The following DHRSX variants were observed in gnomAD, a reference collection of about 807,000 sequenced individuals.
The protein encoded by DHRSX is polyprenol dehydrogenase.
In DHRSX, 31 loss-of-function variants were observed where a neutral mutation model predicts 34.0. The ratio of observed to expected loss-of-function variants is 0.91; its 90% CI spans 0.69 to 1.23. The LOEUF (loss-of-function observed/expected upper bound fraction) is 1.23, where lower values mean the gene tolerates loss of function less well. DHRSX is among the 50% of genes most tolerant of loss of function. DHRSX has a pLI of 0.00. For synonymous variants in DHRSX, 201 were observed against 183.8 expected (o/e 1.09, Z -0.76); for missense variants, 414 against 428.1 (o/e 0.97, Z 0.29).
rs765110913 is a variant in DHRSX at position 2,267,610 on chromosome X, T to A, written c.389-663A>T. 2.7e-5 allele frequency among the ~76,000 whole-genome samples: 4 copies of A among 145,822 alleles called. No individual in the cohort carries two copies. In the South Asian group the frequency reaches 6.6e-4, roughly 24 times the overall value. ...TAACACAGCAACACACACAAGAGAG[T>A]GAGAATCATCCAAGTCACCAAACAG... On this transcript the variant is annotated intron_variant, in intron 4 of 6. Coordinates refer to ENST00000334651, the MANE Select transcript of DHRSX (RefSeq NM_145177.3).
intron 3 of DHRSX, among the ~76,000 whole-genome samples, chrX:2,386,381 G>T (rs1374439902): frequency 6.6e-6 from 1 of 151,914 alleles, no homozygotes; most frequent in Non-Finnish European, 1.5e-5. Context: ...ACCACACCCA[G>T]CTAATTTTTG....
intron 3 of DHRSX, among the ~76,000 whole-genome samples, chrX:2,343,852 G>C (rs1298196413): frequency 1.3e-5 from 2 of 152,192 alleles, no homozygotes; most frequent in African/African-American, 4.8e-5. Flanking sequence ...AAGTGTATTA[G>C]TATGTATAGG....
intron 6 of DHRSX, among the ~76,000 whole-genome samples, chrX:2,224,764 A>G (rs2015601913): frequency 6.6e-6 from 1 of 152,066 alleles, no homozygotes; most frequent in Non-Finnish European, 1.5e-5. Flanking sequence ...TTGCACATGC[A>G]TACTCACACT....
Position 2,375,624 on chromosome X carries a change from T to C in DHRSX, c.286+33121A>G, listed in dbSNP as rs1317663967. On this transcript the variant is annotated intron_variant, in intron 3 of 6. Transcript: ENST00000334651. ...ATGGTTGGTTGGTTGGTCGGTTGGT[T>C]GGTTGGTTGGCTGGTTGGTTGGTTT... Among the ~76,000 whole-genome samples, 4 of 134,960 alleles carry C rather than the reference T, an allele frequency of 3.0e-5. 1 individual carries two copies. Among genetic ancestry groups the C allele is most frequent in the Non-Finnish European group, 7.0e-5 (4 of 56,990 alleles). 88.5% of individuals were successfully genotyped at this position (134,960 alleles called of 152,430 possible).
At chrX:2,465,590 GC>G (rs1235230319) in intron 1 of DHRSX, among the ~76,000 whole-genome samples, 1 of 151,672 alleles carries the variant, frequency 6.6e-6, no homozygotes, top group Non-Finnish European at 1.5e-5. Context: ...ATCACTTGAG[GC>G]CAGGAGTTCG....
intron 3 of DHRSX, among the ~76,000 whole-genome samples, chrX:2,349,897 G>C (rs1386341041): frequency 6.7e-6 from 1 of 149,682 alleles, no homozygotes; most frequent in South Asian, 2.1e-4. Context: ...AAATTAGCCA[G>C]GCGTGGTGGC....
intron 3 of DHRSX, among the ~76,000 whole-genome samples, chrX:2,331,447 T>TTTTTG (rs2042474795): frequency 1.0e-5 from 1 of 97,274 alleles, no homozygotes; most frequent in Non-Finnish European, 2.7e-5. Context: ...TTTTTTTTTT[T>TTTTTG]TTTTTTTTTT....
At chrX:2,358,671 T>C (rs1295748650) in intron 3 of DHRSX, among the ~76,000 whole-genome samples, 1 of 152,140 alleles carries the variant, frequency 6.6e-6, no homozygotes, top group Non-Finnish European at 1.5e-5. Context: ...ATTCTTCCCA[T>C]TTCATAGACG....
At chrX:2,484,729 G>A (rs2044837400) in intron 1 of DHRSX, among the ~76,000 whole-genome samples, 1 of 151,912 alleles carries the variant, frequency 6.6e-6, no homozygotes, top group Non-Finnish European at 1.5e-5. Flanking sequence ...ACGGGGCGGC[G>A]GGCCTGAGAT....
intron 5 of DHRSX, among the ~76,000 whole-genome samples, chrX:2,263,196 G>A (rs1047494012): frequency 2.0e-5 from 3 of 152,196 alleles, no homozygotes; most frequent in Non-Finnish European, 4.4e-5. Flanking sequence ...TGCTCTGACT[G>A]TGTCTGTCTC....
At chrX:2,383,972 A>AC (rs2043242682) in intron 3 of DHRSX, among the ~76,000 whole-genome samples, 1 of 152,238 alleles carries the variant, frequency 6.6e-6, no homozygotes, top group Non-Finnish European at 1.5e-5. Context: ...GGTTAAGACA[A>AC]CAGTGTGACT....
intron 3 of DHRSX, among the ~76,000 whole-genome samples, chrX:2,360,389 C>G (rs2042915596): frequency 6.6e-6 from 1 of 152,084 alleles, no homozygotes; most frequent in Non-Finnish European, 1.5e-5. Context: ...TCAAGACCAG[C>G]CTGACCAACA....
intron 4 of DHRSX, among the ~76,000 whole-genome samples, chrX:2,268,408 C>T (rs770625751): frequency 1.8e-4 from 28 of 152,324 alleles, no homozygotes; most frequent in African/African-American, 4.8e-4. Flanking sequence ...TCTATCTACA[C>T]GTAACGCAAA....
At position 2,230,127 on chromosome X, in the gene DHRSX, G is replaced by A. The variant is rs764777644; in HGVS notation, c.805-8898C>T. ...TGAAGGTGTGTGTGCATTTATGCAC[G>A]TGAGCATGTGTGCACATACTATGCA... On this transcript the variant is annotated intron_variant, in intron 6 of 6. Transcript: ENST00000334651. Among the ~76,000 whole-genome samples the A allele has an allele frequency of 2.1e-4, 32 of 152,324 alleles. No individual in the cohort carries two copies. The East Asian group carries it at 5.8e-3, about 28-fold the overall frequency.
chrX:2,385,437 G>C (rs990419375), intron 3 of DHRSX, among the ~76,000 whole-genome samples: 1 of 151,982 alleles, frequency 6.6e-6, no homozygotes, highest in Non-Finnish European at 1.5e-5. Context: ...GCCACAGCAG[G>C]CATCACTAAT....
chrX:2,250,617 T>C (rs1452038696), intron 5 of DHRSX, among the ~76,000 whole-genome samples: 4 of 152,124 alleles, frequency 2.6e-5, no homozygotes, highest in Non-Finnish European at 1.5e-5. Flanking sequence ...CCAGAGAGGA[T>C]GACCAGAGGT....
chrX:2,383,644 T>C (rs1025119148), intron 3 of DHRSX, among the ~76,000 whole-genome samples: 14 of 152,178 alleles, frequency 9.2e-5, no homozygotes, highest in Admixed American at 6.6e-5. Context: ...CAGTACTTTT[T>C]ATATCCCAGT....
At chrX:2,311,250 G>C (rs1272528420) in intron 3 of DHRSX, among the ~76,000 whole-genome samples, 3 of 152,046 alleles carry the variant, frequency 2.0e-5, no homozygotes, top group African/African-American at 7.2e-5. Flanking sequence ...GAGACATACA[G>C]AGAGAGAAAG....
At chrX:2,429,635 TTG>T (rs1162344391) in intron 1 of DHRSX, among the ~76,000 whole-genome samples, 1 of 142,216 alleles carries the variant, frequency 7.0e-6, no homozygotes, top group Non-Finnish European at 1.6e-5. Flanking sequence ...TATTTTTTTT[TTG>T]TAAAGATGGG....
Sources: gnomAD v4.1 joint callset for allele counts (sites outside exome capture counted in the v4.1 genomes callset) on GRCh38, gnomAD v4.1.1 for gene constraint, MANE v1.5 for transcripts, NCBI Gene and HGNC (gene_info 2026-07-23, HGNC 2026-07-21) for gene names.